Variants in ZBTB20 observed in about 807,000 individuals in gnomAD.
ZBTB20 encodes zinc finger and BTB domain containing 20, also known as zinc finger and BTB domain-containing protein 20.
A neutral mutation model predicts 56.9 loss-of-function variants in ZBTB20; 9 were observed. The ratio of observed to expected loss-of-function variants is 0.16; its 90% confidence interval spans 0.10 to 0.28. The LOEUF is 0.28. Among genes scored for constraint, ZBTB20 ranks in the 10% least tolerant of loss-of-function variants. The pLI, the probability that ZBTB20 is intolerant of heterozygous loss-of-function variation, is 1.00. For missense variants in ZBTB20, 655 were observed against 1,003.0 expected (o/e 0.65, Z 4.69); for synonymous variants, 417 against 420.7 (o/e 0.99, Z 0.11).
intron 6 of ZBTB20, among the ~76,000 whole-genome samples, chr3:114,548,505 T>C (rs1342322038): frequency 1.3e-5 from 2 of 151,474 alleles, no homozygotes; most frequent in Non-Finnish European, 2.9e-5. Flanking sequence ...CTTTTGTTTT[T>C]CTTTTTATTT....
At chr3:114,392,750 T>C (rs2085993548) in intron 7 of ZBTB20, among the ~76,000 whole-genome samples, 1 of 152,218 alleles carries the variant, frequency 6.6e-6, no homozygotes, top group African/African-American at 2.4e-5. Flanking sequence ...CTGAGTCTGT[T>C]CAAATTTTCT....
intron 10 of ZBTB20, among the ~76,000 whole-genome samples, chr3:114,376,869 G>C (rs983811642): frequency 6.6e-6 from 1 of 152,184 alleles, no homozygotes; most frequent in African/African-American, 2.4e-5. Context: ...CAGAAGTAGG[G>C]AGGACGGCCA....
At chr3:115,143,826 A>G (rs987462123) in intron 1 of ZBTB20, among the ~76,000 whole-genome samples, 3 of 152,196 alleles carry the variant, frequency 2.0e-5, no homozygotes, top group African/African-American at 7.2e-5. Context: ...ATAAACTAAG[A>G]TCTTTCTTTC....
At chr3:114,618,079 GT>G (rs34473856) in intron 6 of ZBTB20, among the ~76,000 whole-genome samples, 28,852 of 146,858 alleles carry the variant, frequency 0.2, 2,918 homozygotes, top group Middle Eastern at 0.26. Context: ...AAAGATTTCT[GT>G]TTTTTTTTTT....
intron 6 of ZBTB20, among the ~76,000 whole-genome samples, chr3:114,513,919 C>CA (rs77125827): frequency 0.031 from 3,527 of 113,630 alleles, 54 homozygotes; most frequent in African/African-American, 0.059. Context: ...GACAGGGAGA[C>CA]AAAAAAAAAA....
rs997083020 is a variant in ZBTB20, at chr3:115,126,487, T to C, written c.-703+20732A>G. ...CATTGGTAGAAGAAAGGATAGATTA[T>C]ACTGTGGTATAGTCACAAATATTAT... On this transcript the variant is annotated intron_variant, in intron 1 of 11. Coordinates refer to ENST00000675478, the MANE Select transcript of ZBTB20 (RefSeq NM_001348800.3). Among the ~76,000 whole-genome samples the C allele has an allele frequency of 3.3e-5, 5 of 152,158 alleles. No individual in the cohort carries two copies. The East Asian group carries it at 9.6e-4, about 29-fold the overall frequency.
intron 2 of ZBTB20, among the ~76,000 whole-genome samples, chr3:115,067,237 T>G (rs1382503331): frequency 1.3e-5 from 2 of 152,054 alleles, no homozygotes; most frequent in African/African-American, 2.4e-5. Context: ...ACATAATAGA[T>G]GCACAGTGAA....
At chr3:114,547,037 C>A (rs1321122861) in intron 6 of ZBTB20, among the ~76,000 whole-genome samples, 1 of 152,102 alleles carries the variant, frequency 6.6e-6, no homozygotes, top group East Asian at 1.9e-4. Flanking sequence ...GCATGAGGAA[C>A]CAGTTTGTAA....
At position 114,818,624 on chromosome 3, in the gene ZBTB20, A is replaced by G. The variant is rs572665286; in HGVS notation, c.-416-17450T>C. Among the ~76,000 whole-genome samples, 167 of 152,184 alleles carry G rather than the reference A, an allele frequency of 1.1e-3. 1 individual carries two copies. Among genetic ancestry groups the G allele is most frequent in the African/African-American group, 3.9e-3 (164 of 41,570 alleles). On this transcript the variant is annotated intron_variant, in intron 4 of 11. Transcript: ENST00000675478. ...CAGAAAAAAAAGATTAATAAAAGTC[A>G]ACGTCCATTCCTAATAATCAAATAA...
At chr3:115,112,381 C>G (rs191927717) in intron 1 of ZBTB20, among the ~76,000 whole-genome samples, 1 of 152,112 alleles carries the variant, frequency 6.6e-6, no homozygotes, top group African/African-American at 2.4e-5. Context: ...TACAGTCACC[C>G]TACTCTGCTA....
intron 4 of ZBTB20, among the ~76,000 whole-genome samples, chr3:114,823,091 C>A (rs1468925596): frequency 1.3e-5 from 2 of 152,124 alleles, no homozygotes; most frequent in Non-Finnish European, 2.9e-5. Flanking sequence ...CTTGAACTTA[C>A]AATGTCCTGG....
intron 4 of ZBTB20, among the ~76,000 whole-genome samples, chr3:114,853,749 T>C (rs1008718304): frequency 6.6e-6 from 1 of 152,308 alleles, no homozygotes; most frequent in African/African-American, 2.4e-5. Context: ...AAAACTTTGA[T>C]TGTAGAATGA....
At chr3:114,577,508 A>G (rs974225483) in intron 6 of ZBTB20, among the ~76,000 whole-genome samples, 4 of 152,212 alleles carry the variant, frequency 2.6e-5, no homozygotes, top group African/African-American at 7.2e-5. Context: ...AGTCAGACTT[A>G]AAAAGAAGAT....
intron 7 of ZBTB20, among the ~76,000 whole-genome samples, chr3:114,401,164 CAGA>C (rs1299483933): frequency 6.8e-6 from 1 of 147,602 alleles, no homozygotes; most frequent in African/African-American, 2.6e-5. Flanking sequence ...AGGGAGGAGA[CAGA>C]AGGAGAAAGG....
chr3:114,681,753 T>C (rs1484134800), intron 6 of ZBTB20, among the ~76,000 whole-genome samples: 1 of 152,194 alleles, frequency 6.6e-6, no homozygotes, highest in Non-Finnish European at 1.5e-5. Context: ...AGTGCTATTA[T>C]TATTATTGCC....
chr3:114,751,659 T>A (rs1033408972), intron 5 of ZBTB20, among the ~76,000 whole-genome samples: 1 of 152,154 alleles, frequency 6.6e-6, no homozygotes, highest in East Asian at 1.9e-4. Context: ...CATAAGAGCG[T>A]TGGATTTACA....
chr3:115,132,787 C>A (rs974940149), intron 1 of ZBTB20, among the ~76,000 whole-genome samples: 16 of 149,366 alleles, frequency 1.1e-4, no homozygotes, highest in African/African-American at 2.5e-4. Context: ...AAAAAAAAAC[C>A]CCCAAAATTT....
intron 6 of ZBTB20, among the ~76,000 whole-genome samples, chr3:114,608,921 A>G (rs946835681): frequency 2.6e-5 from 4 of 152,226 alleles, no homozygotes; most frequent in African/African-American, 9.6e-5. Flanking sequence ...TGATTTTTAA[A>G]AAGTAAACCA....
intron 4 of ZBTB20, among the ~76,000 whole-genome samples, chr3:114,897,475 G>A (rs1420911462): frequency 1.3e-5 from 2 of 152,044 alleles, no homozygotes; most frequent in South Asian, 4.1e-4. Context: ...CCCTGAAATC[G>A]CAGGGGAACC....
Sources: allele counts gnomAD v4.1 joint callset (sites outside exome capture counted in the v4.1 genomes callset), GRCh38; gene constraint gnomAD v4.1.1; transcripts MANE v1.5; gene names NCBI Gene and HGNC (gene_info 2026-07-23, HGNC 2026-07-21).